The following FLNB variants were observed in gnomAD, a reference collection of about 807,000 sequenced individuals.
FLNB encodes the protein filamin B, also known as filamin-B.
Under a neutral mutation model 250.6 loss-of-function variants are expected in FLNB, and 111 were observed. The ratio of observed to expected loss-of-function variants is 0.44; its 90% CI spans 0.38 to 0.52. FLNB has a LOEUF of 0.52. FLNB is among the 20% of genes least tolerant of loss of function. The probability of loss-of-function intolerance (pLI) is 0.00; values close to 1 mark genes in which losing one functional copy is unlikely to be tolerated. For synonymous variants in FLNB, 1,302 were observed against 1,372.1 expected (o/e 0.95, Z 1.13); for missense variants, 2,869 against 3,447.8 (o/e 0.83, Z 4.20).
At chr3:58,029,973 A>G (rs2097128630) in intron 1 of FLNB, among the ~76,000 whole-genome samples, 1 of 152,212 alleles carries the variant, frequency 6.6e-6, no homozygotes, top group Non-Finnish European at 1.5e-5. Flanking sequence ...TTAACGAGCT[A>G]AATTGTAAAG....
intron 1 of FLNB, among the ~76,000 whole-genome samples, chr3:58,070,656 CTCTCT>C (rs1303351495): frequency 6.3e-5 from 9 of 143,990 alleles, no homozygotes; most frequent in African/African-American, 2.2e-4. Context: ...CTCTCTCTCT[CTCTCT>C]TTTTTTTTTT....
chr3:58,093,928 G>C (rs1166336506), intron 4 of FLNB, among the ~76,000 whole-genome samples: 1 of 152,206 alleles, frequency 6.6e-6, no homozygotes, highest in Non-Finnish European at 1.5e-5. Flanking sequence ...TAAAATTACA[G>C]TGTGGAGAAC....
chr3:58,109,886 C>G (rs1332752759), intron 15 of FLNB, 124 bp from the exon 16 acceptor site: 1 of 1,442,404 alleles, frequency 6.9e-7, no homozygotes, highest in Non-Finnish European at 9.7e-7. Context: ...AATCCTTACT[C>G]TTTCTCAGGT....
At chr3:58,102,945 G>T (rs2097253430) in intron 9 of FLNB, among the ~76,000 whole-genome samples, 1 of 152,152 alleles carries the variant, frequency 6.6e-6, no homozygotes, top group African/African-American at 2.4e-5. Flanking sequence ...ATGTGGGGAT[G>T]GGTGTCTTCA....
At position 58,130,880 on chromosome 3, in the gene FLNB, G is replaced by T. The variant is rs150844992; in HGVS notation, c.4362G>T (p.Pro1454=). Residue 1454 remains proline, a synonymous_variant, in exon 25 of 46, where the codon CCG becomes CCT. Coordinates refer to ENST00000295956, the MANE Select transcript of FLNB (RefSeq NM_001457.4). ...ACAGCAGCAAGGCTGGCCTGGCTCC[G>T]CTGGAAGTGAGGGTTCTGGGCCCAC... ...TVDSSKAGLA[P]LEVRVLGPRG... The T allele has an allele frequency of 6.2e-7, 1 of 1,612,308 alleles. No homozygotes were observed. Among genetic ancestry groups the T allele is most frequent in the Admixed American group, 1.7e-5 (1 of 59,914 alleles).
intron 11 of FLNB, 32 bp from the exon 12 acceptor site, chr3:58,106,648 A>G: frequency 6.2e-7 from 1 of 1,605,176 alleles, no homozygotes; most frequent in Non-Finnish European, 8.5e-7. Context: ...CCACCATATA[A>G]CCAGGGAGAC....
intron 4 of FLNB, among the ~76,000 whole-genome samples, chr3:58,086,471 A>G (rs755025951): frequency 2.6e-5 from 4 of 152,062 alleles, no homozygotes; most frequent in African/African-American, 4.8e-5. Flanking sequence ...CCTTTTTTCT[A>G]TGCTGAGTTA....
chr3:58,075,494 G>T (rs528036430), intron 1 of FLNB, among the ~76,000 whole-genome samples: 2 of 152,276 alleles, frequency 1.3e-5, no homozygotes, highest in Non-Finnish European at 2.9e-5. Context: ...CTGCAGTATG[G>T]TGGGTGGAAG....
chr3:58,075,187 A>T (rs1042119068), intron 1 of FLNB, among the ~76,000 whole-genome samples: 7 of 152,032 alleles, frequency 4.6e-5, no homozygotes, highest in Non-Finnish European at 8.8e-5. Flanking sequence ...GCATGTGTTC[A>T]ACCAGCATTC....
At chr3:58,028,072 G>T (rs2097125865) in intron 1 of FLNB, among the ~76,000 whole-genome samples, 1 of 152,216 alleles carries the variant, frequency 6.6e-6, no homozygotes, top group African/African-American at 2.4e-5. Flanking sequence ...GGAGAACTGG[G>T]AAGAGAATAA....
chr3:58,160,737 T>C (rs1207938849), intron 42 of FLNB, among the ~76,000 whole-genome samples: 1 of 152,160 alleles, frequency 6.6e-6, no homozygotes, highest in Non-Finnish European at 1.5e-5. Context: ...CTCACACCTG[T>C]AATCTCAGCA....
chr3:58,124,605 G>A (rs1173873301), intron 22 of FLNB, 100 bp downstream of exon 22: 4 of 1,282,636 alleles, frequency 3.1e-6, no homozygotes, highest in Admixed American at 1.9e-5. Context: ...TGCTAGGCCT[G>A]TCTCAGCAGG....
At chr3:58,112,650 C>T (rs1308873051) in intron 18 of FLNB, among the ~76,000 whole-genome samples, 1 of 151,808 alleles carries the variant, frequency 6.6e-6, no homozygotes, top group Non-Finnish European at 1.5e-5. Flanking sequence ...CACACATGTG[C>T]ACACACACAC....
intron 13 of FLNB, 141 bp from the exon 14 acceptor site, chr3:58,109,038 A>G: frequency 1.1e-6 from 1 of 920,878 alleles, no homozygotes; most frequent in Non-Finnish European, 1.8e-6. Context: ...GTGTTGTGAA[A>G]ATATGGCACA....
rs10540627 is a variant in FLNB, at chr3:58,106,352, C to CTATATATATATATATA, written c.1748-318_1748-303dup. Among the ~76,000 whole-genome samples, 837 of 132,858 alleles carry CTATATATATATATATA rather than the reference C, an allele frequency of 6.3e-3. 10 individuals are homozygous for CTATATATATATATATA. The highest frequency in any genetic ancestry group is 0.014 in the African/African-American group (519 of 36,786). The allele number at this position is 132,858 out of a possible 152,430, so 87.2% of individuals were successfully genotyped here. A position where few individuals can be genotyped will look rare whatever the true frequency, so the allele number is the denominator to read the frequency against. ...TAAAATACATATAATGTATTTAATA[C>CTATATATATATATATA]TATATATATATATATATATATATAT... On this transcript the variant is annotated intron_variant, in intron 11 of 45. Coordinates refer to ENST00000295956, the MANE Select transcript of FLNB (RefSeq NM_001457.4).
intron 42 of FLNB, 161 bp from the exon 43 acceptor site, chr3:58,162,993 G>T (rs1273913267): frequency 2.8e-6 from 2 of 715,220 alleles, no homozygotes; most frequent in Non-Finnish European, 5.0e-6. Flanking sequence ...TACCCAGGGG[G>T]TCTGTCTGGT....
At chr3:58,075,554 G>A (rs2097200538) in intron 1 of FLNB, among the ~76,000 whole-genome samples, 1 of 152,150 alleles carries the variant, frequency 6.6e-6, no homozygotes, top group Admixed American at 6.5e-5. Context: ...GTTCTGAGGT[G>A]CTGTGTATGT....
intron 1 of FLNB, among the ~76,000 whole-genome samples, chr3:58,056,814 C>T (rs1274701186): frequency 3.3e-5 from 5 of 152,108 alleles, no homozygotes; most frequent in African/African-American, 9.7e-5. Context: ...TAGTCTTGAT[C>T]TCCTGACCTC....
intron 4 of FLNB, among the ~76,000 whole-genome samples, chr3:58,089,323 T>C (rs1048025875): frequency 8.6e-5 from 13 of 152,042 alleles, no homozygotes; most frequent in Non-Finnish European, 1.5e-5. Flanking sequence ...GGCGGGCAGA[T>C]CACCTGAGGT....
Sources: gnomAD v4.1 joint callset for allele counts (sites outside exome capture counted in the v4.1 genomes callset) on GRCh38, gnomAD v4.1.1 for gene constraint, MANE v1.5 for transcripts, NCBI Gene and HGNC (gene_info 2026-07-23, HGNC 2026-07-21) for gene names.